GCNT2: variants seen among roughly 807,000 people sequenced by gnomAD.
The protein encoded by GCNT2 is glucosaminyl (N-acetyl) transferase 2 (I blood group).
GCNT2 carries 34 observed loss-of-function variants against 34.2 expected under a neutral mutation model. That is an observed-to-expected ratio of 1.00 (90% CI 0.76 to 1.32). The LOEUF (loss-of-function observed/expected upper bound fraction) is 1.32, where lower values mean the gene tolerates loss of function less well. Among genes scored for constraint, GCNT2 ranks in the 40% most tolerant of loss-of-function variants. GCNT2 has a pLI of 0.00. For synonymous variants in GCNT2, 212 were observed against 188.0 expected (o/e 1.13, Z -1.04); for missense variants, 584 against 489.4 (o/e 1.19, Z -1.82).
intron 3 of GCNT2, among the ~76,000 whole-genome samples, chr6:10,608,226 C>T (rs926380128): frequency 3.3e-5 from 5 of 151,852 alleles, no homozygotes; most frequent in South Asian, 2.1e-4. Context: ...TACAGGCATG[C>T]GCCACTACGC....
chr6:10,533,237 C>T (rs951080447), intron 3 of GCNT2, among the ~76,000 whole-genome samples: 4 of 150,562 alleles, frequency 2.7e-5, no homozygotes, highest in Admixed American at 1.3e-4. Context: ...GCCTGGGAGG[C>T]GGAGGTTGCA....
chr6:10,522,139 C>T (rs1203913999), intron 1 of GCNT2, among the ~76,000 whole-genome samples: 3 of 152,110 alleles, frequency 2.0e-5, no homozygotes, highest in Non-Finnish European at 4.4e-5. Context: ...CCACCTGCCT[C>T]AGCCTCCTGA....
intron 3 of GCNT2, among the ~76,000 whole-genome samples, chr6:10,610,894 C>G (rs556394304): frequency 1.3e-5 from 2 of 152,162 alleles, no homozygotes; most frequent in Non-Finnish European, 2.9e-5. Context: ...CCATTCAATT[C>G]TAAAATTCAG....
chr6:10,580,217 A>G (rs950987499), intron 3 of GCNT2, among the ~76,000 whole-genome samples: 2 of 151,700 alleles, frequency 1.3e-5, no homozygotes, highest in African/African-American at 4.9e-5. Context: ...AATACACTGG[A>G]AAAGCTGGCA....
intron 3 of GCNT2, chr6:10,586,859 A>G (rs572358396): frequency 1.2e-5 from 20 of 1,613,930 alleles, no homozygotes; most frequent in Middle Eastern, 1.6e-4. Flanking sequence ...TACAATGGTC[A>G]AAAGATACCT....
intron 3 of GCNT2, among the ~76,000 whole-genome samples, chr6:10,561,831 A>G (rs541118301): frequency 1.4e-5 from 2 of 143,842 alleles, no homozygotes; most frequent in East Asian, 2.0e-4. Context: ...TTTTTTTTTC[A>G]GGGCCCTTTT....
At chr6:10,556,131 T>C in intron 3 of GCNT2, 1 of 1,303,532 alleles carries the variant, frequency 7.7e-7, no homozygotes, top group South Asian at 1.6e-5. Flanking sequence ...GCAAAACAGC[T>C]AGCAGATGCA....
chr6:10,599,248 C>T (rs1764994364), intron 3 of GCNT2, among the ~76,000 whole-genome samples: 1 of 152,170 alleles, frequency 6.6e-6, no homozygotes, highest in African/African-American at 2.4e-5. Flanking sequence ...GTGCGCTGTT[C>T]ACAGGCGCGT....
At chr6:10,556,539 C>T in intron 3 of GCNT2, 1 of 1,614,038 alleles carries the variant, frequency 6.2e-7, no homozygotes, top group Non-Finnish European at 8.5e-7. Flanking sequence ...CTAAATATCT[C>T]AGACCCTTTG....
intron 3 of GCNT2, among the ~76,000 whole-genome samples, chr6:10,565,695 TG>T (rs1271587814): frequency 3.9e-5 from 6 of 152,190 alleles, no homozygotes; most frequent in Non-Finnish European, 7.3e-5. Flanking sequence ...ACAACAGTCT[TG>T]GTAAATTCTT....
chr6:10,569,274 C>CACACACACA (rs1491123758), intron 3 of GCNT2, among the ~76,000 whole-genome samples: 16 of 137,170 alleles, frequency 1.2e-4, no homozygotes, highest in South Asian at 4.7e-4. Flanking sequence ...CACACACACA[C>CACACACACA]CCCCTAGGTA....
intron 3 of GCNT2, chr6:10,557,161 A>T: frequency 1.9e-6 from 3 of 1,549,564 alleles, no homozygotes; most frequent in Non-Finnish European, 2.6e-6. Context: ...TAAGAACAAC[A>T]GCGTTGAAAC....
intron 3 of GCNT2, chr6:10,586,207 C>G (rs765784230): frequency 1.2e-5 from 20 of 1,614,000 alleles, no homozygotes; most frequent in Non-Finnish European, 1.5e-5. Flanking sequence ...CGAAGTGTCC[C>G]TTGCAAGGAT....
rs187533940 is a variant in GCNT2 at position 10,570,177 on chromosome 6, C to G, written c.925+40341C>G. ...CTTGAACTCCTGGACTCAAGTGATTCACCTGTCTCAGCCTCCCAAAGTGTC... is the reference window on the plus strand; with the variant it reads ...CTTGAACTCCTGGACTCAAGTGATTGACCTGTCTCAGCCTCCCAAAGTGTC... On this transcript the variant is annotated intron_variant, in intron 3 of 4. Coordinates refer to ENST00000495262, the MANE Select transcript of GCNT2 (RefSeq NM_145649.5). 5.8e-3 allele frequency among the ~76,000 whole-genome samples: 890 copies of G among 152,280 alleles called. 6 individuals carry two copies. Among genetic ancestry groups the G allele is most frequent in the South Asian group, 0.017 (82 of 4,828 alleles).
At chr6:10,564,032 C>T (rs1188191689) in intron 3 of GCNT2, among the ~76,000 whole-genome samples, 1 of 152,048 alleles carries the variant, frequency 6.6e-6, no homozygotes, top group Non-Finnish European at 1.5e-5. Flanking sequence ...ATTAGACCCA[C>T]TCAAAAACTT....
intron 3 of GCNT2, chr6:10,581,653 T>C (rs1224864806): frequency 1.1e-5 from 7 of 624,276 alleles, no homozygotes; most frequent in South Asian, 1.4e-4. Flanking sequence ...GGCTACATCA[T>C]GTTGAAAGAT....
intron 3 of GCNT2, among the ~76,000 whole-genome samples, chr6:10,599,243 C>G (rs1361276768): frequency 6.6e-6 from 1 of 152,220 alleles, no homozygotes; most frequent in Non-Finnish European, 1.5e-5. Flanking sequence ...ACCAGGTGCG[C>G]TGTTCACAGG....
chr6:10,566,051 G>C (rs1216803619), intron 3 of GCNT2, among the ~76,000 whole-genome samples: 1 of 152,120 alleles, frequency 6.6e-6, no homozygotes, highest in Non-Finnish European at 1.5e-5. Flanking sequence ...TTCTCTAGCT[G>C]CGCCCTTCCC....
chr6:10,586,825 G>C, intron 3 of GCNT2: 1 of 1,613,014 alleles, frequency 6.2e-7, no homozygotes, highest in Non-Finnish European at 8.5e-7. Flanking sequence ...TTTGTTCTAC[G>C]TGACCAAAGG....
Sources: gnomAD v4.1 joint callset for allele counts (sites outside exome capture counted in the v4.1 genomes callset) on GRCh38, gnomAD v4.1.1 for gene constraint, MANE v1.5 for transcripts, NCBI Gene and HGNC (gene_info 2026-07-23, HGNC 2026-07-21) for gene names.